The following RGS9 variants were observed in gnomAD, a reference collection of about 807,000 sequenced individuals.
The protein encoded by RGS9 is regulator of G protein signaling 9, also known as regulator of G-protein signalling 9.
RGS9 carries 78 observed loss-of-function variants against 102.0 expected under a neutral mutation model. The observed-to-expected ratio is 0.76, with a 90% CI of 0.64 to 0.92. The LOEUF (loss-of-function observed/expected upper bound fraction) is 0.92, where lower values mean the gene tolerates loss of function less well. RGS9 is among the 40% of genes least tolerant of loss of function. The pLI is 0.00. For synonymous variants in RGS9, 353 were observed against 318.6 expected, an observed-to-expected ratio of 1.11 and a Z score of -1.15; for missense variants, 833 against 866.1, an observed-to-expected ratio of 0.96 and a Z score of 0.48.
At chr17:65,156,705 C>T (rs944402980) in intron 2 of RGS9, among the ~76,000 whole-genome samples, 7 of 152,128 alleles carry the variant, frequency 4.6e-5, no homozygotes, top group African/African-American at 1.2e-4. Context: ...AGAAAGCCCT[C>T]GGCTCCTCGG....
chr17:65,141,052 C>G (rs139331260), intron 1 of RGS9, among the ~76,000 whole-genome samples: 5 of 152,154 alleles, frequency 3.3e-5, no homozygotes, highest in Admixed American at 3.3e-4. Flanking sequence ...CAGAAAGGAC[C>G]GTGTGCGATT....
At chr17:65,191,050 T>C (rs985872179) in intron 11 of RGS9, among the ~76,000 whole-genome samples, 1 of 152,144 alleles carries the variant, frequency 6.6e-6, no homozygotes, top group African/African-American at 2.4e-5. Context: ...TTTGCAAAAA[T>C]GCCATCTGCC....
intron 8 of RGS9, among the ~76,000 whole-genome samples, chr17:65,175,611 T>C (rs375767522): frequency 2.6e-5 from 4 of 152,148 alleles, no homozygotes; most frequent in African/African-American, 9.7e-5. Context: ...CTCAGCACAA[T>C]GTCCGGCACA....
At chr17:65,189,120 T>C in intron 9 of RGS9, 166 bp from the exon 10 acceptor site, 2 of 643,858 alleles carry the variant, frequency 3.1e-6, no homozygotes, top group Non-Finnish European at 5.6e-6. Flanking sequence ...CCCCAGGGGT[T>C]ACATAGAATA....
intron 8 of RGS9, among the ~76,000 whole-genome samples, chr17:65,175,083 A>ATG (rs113500448): frequency 0.11 from 16,311 of 149,028 alleles, 1,433 homozygotes; most frequent in African/African-American, 0.25. Flanking sequence ...AACCATATTA[A>ATG]TGTGTGTGTG....
intron 17 of RGS9, among the ~76,000 whole-genome samples, chr17:65,211,803 T>G (rs915280432): frequency 6.6e-6 from 1 of 152,258 alleles, no homozygotes; most frequent in Admixed American, 6.5e-5. Context: ...CGTGGTTCTC[T>G]CTCATGGAGC....
chr17:65,147,832 C>G (rs1313999418), intron 1 of RGS9, among the ~76,000 whole-genome samples: 1 of 152,054 alleles, frequency 6.6e-6, no homozygotes, highest in Non-Finnish European at 1.5e-5. Flanking sequence ...ATCAAATGAT[C>G]TGTCTGCCTT....
chr17:65,178,122 C>G (rs1911717728), intron 9 of RGS9, among the ~76,000 whole-genome samples: 1 of 152,164 alleles, frequency 6.6e-6, no homozygotes, highest in Non-Finnish European at 1.5e-5. Flanking sequence ...GTTATGAGCT[C>G]ATTCCACTCA....
intron 1 of RGS9, among the ~76,000 whole-genome samples, chr17:65,138,387 G>T (rs571251529): frequency 2.0e-5 from 3 of 152,214 alleles, no homozygotes; most frequent in South Asian, 4.1e-4. Flanking sequence ...GGCTTATCTT[G>T]TTGAGTAGAA....
At chr17:65,144,368 C>T (rs903366858) in intron 1 of RGS9, among the ~76,000 whole-genome samples, 1 of 152,176 alleles carries the variant, frequency 6.6e-6, no homozygotes, top group African/African-American at 2.4e-5. Flanking sequence ...GGTGGGATGT[C>T]AGAGCCATCA....
At chr17:65,145,179 C>T (rs987663603) in intron 1 of RGS9, among the ~76,000 whole-genome samples, 2 of 152,096 alleles carry the variant, frequency 1.3e-5, no homozygotes, top group African/African-American at 2.4e-5. Context: ...CAACCTCCAC[C>T]GCCCGGGTTC....
At chr17:65,192,847 T>C (rs959496539) in intron 11 of RGS9, among the ~76,000 whole-genome samples, 23 of 151,816 alleles carry the variant, frequency 1.5e-4, no homozygotes, top group African/African-American at 5.3e-4. Flanking sequence ...ATGGCAAGAG[T>C]CTTGGAGTCT....
At chr17:65,199,279 C>T (rs555029829) in intron 13 of RGS9, among the ~76,000 whole-genome samples, 12 of 152,242 alleles carry the variant, frequency 7.9e-5, no homozygotes, top group African/African-American at 2.9e-4. Flanking sequence ...AAAAGAAACT[C>T]TTTACCCATT....
chr17:65,163,532 T>C (rs1167191775), intron 7 of RGS9, among the ~76,000 whole-genome samples: 6 of 152,144 alleles, frequency 3.9e-5, no homozygotes, highest in Admixed American at 2.6e-4. Context: ...TGAGCATTTA[T>C]GTGCCTAACA....
intron 12 of RGS9, among the ~76,000 whole-genome samples, chr17:65,194,144 G>A (rs1912489925): frequency 6.6e-6 from 1 of 152,192 alleles, no homozygotes; most frequent in Admixed American, 6.5e-5. Flanking sequence ...GGAAATCTAG[G>A]AAAGACTATG....
At chr17:65,140,799 C>T (rs982002978) in intron 1 of RGS9, among the ~76,000 whole-genome samples, 5 of 151,978 alleles carry the variant, frequency 3.3e-5, no homozygotes, top group East Asian at 1.9e-4. Flanking sequence ...TGCTTGAACC[C>T]GGGAGGTGGA....
chr17:65,203,043 G>A (rs781698923), intron 14 of RGS9, among the ~76,000 whole-genome samples: 49 of 152,216 alleles, frequency 3.2e-4, no homozygotes, highest in Non-Finnish European at 6.6e-4. Context: ...GCTGAACTTT[G>A]GGCAGCAGGC....
intron 9 of RGS9, among the ~76,000 whole-genome samples, chr17:65,184,449 T>C (rs1912025188): frequency 6.6e-6 from 1 of 152,218 alleles, no homozygotes; most frequent in Non-Finnish European, 1.5e-5. Context: ...GTAGCCCTAA[T>C]GAATAGGCAC....
At chr17:65,184,542 G>A (rs56102951) in intron 9 of RGS9, among the ~76,000 whole-genome samples, 47,150 of 151,858 alleles carry the variant, frequency 0.31, 11,548 homozygotes, top group African/African-American at 0.68. Flanking sequence ...CTCCTTTTAC[G>A]AATGAGAAAT....
Sources: gnomAD v4.1 joint callset for allele counts (sites outside exome capture counted in the v4.1 genomes callset) on GRCh38, gnomAD v4.1.1 for gene constraint, MANE v1.5 for transcripts, NCBI Gene and HGNC (gene_info 2026-07-23, HGNC 2026-07-21) for gene names.